Variants in DOP1A observed in about 807,000 individuals in gnomAD.
DOP1A encodes protein DOP1A.
A neutral mutation model predicts 267.6 loss-of-function variants in DOP1A; 90 were observed. The ratio of observed to expected loss-of-function variants is 0.34; its 90% CI spans 0.28 to 0.40. The LOEUF (loss-of-function observed/expected upper bound fraction) is 0.40, where lower values mean the gene tolerates loss of function less well. DOP1A is among the 10% of genes least tolerant of loss of function. DOP1A has a pLI of 1.00. For missense variants in DOP1A, 2,437 were observed against 2,900.4 expected, an observed-to-expected ratio of 0.84 and a Z score of 3.67; for synonymous variants, 932 against 999.1, an observed-to-expected ratio of 0.93 and a Z score of 1.27.
chr6:83,153,481 T>G lies in DOP1A; in HGVS notation c.6130-30T>G, dbSNP rs769788772. 3.4e-6 allele frequency: 5 copies of G among 1,473,906 alleles called. No homozygotes were observed. In the Admixed American group the frequency reaches 9.4e-5, roughly 28 times the overall value. 91.3% of individuals were successfully genotyped at this position (1,473,906 alleles called of 1,614,324 possible). On this transcript the variant is annotated intron_variant, in intron 30 of 38. Coordinates refer to ENST00000349129, the MANE Select transcript of DOP1A (RefSeq NM_015018.4). ...GGGATGATGTCAGTTTCACCTCATA[T>G]GTTACTCTTCATTTTTTATGTTTTC...
intron 7 of DOP1A, among the ~76,000 whole-genome samples, chr6:83,116,567 T>G (rs888756886): frequency 1.4e-4 from 21 of 152,244 alleles, no homozygotes; most frequent in African/African-American, 4.3e-4. Context: ...TCCAGCACTT[T>G]GGGAGGCCTA....
At chr6:83,110,362 T>A (rs757071859) in intron 6 of DOP1A, 48 bp downstream of exon 6, 8 of 1,564,890 alleles carry the variant, frequency 5.1e-6, no homozygotes, top group Non-Finnish European at 7.0e-6. Context: ...TTCTTTAGAG[T>A]CAGGCACTAT....
At chr6:83,136,017 C>A in intron 20 of DOP1A, 139 bp downstream of exon 20, 1 of 1,012,988 alleles carries the variant, frequency 9.9e-7, no homozygotes, top group Non-Finnish European at 1.4e-6. Context: ...CATGCACTAG[C>A]AATGCTGTGT....
intron 38 of DOP1A, chr6:83,167,076 C>T (rs1291794142): frequency 1.0e-6 from 1 of 984,134 alleles, no homozygotes; most frequent in African/African-American, 1.7e-5. Flanking sequence ...CCTCTTAATA[C>T]CCAAATTATT....
chr6:83,169,987 G>C, downstream of DOP1A: 2 of 398,450 alleles, frequency 5.0e-6, no homozygotes, highest in Non-Finnish European at 9.4e-6. Context: ...ATTTTTAAAA[G>C]AAGAGAAAAG....
intron 33 of DOP1A, among the ~76,000 whole-genome samples, chr6:83,154,896 T>C (rs1782459494): frequency 6.6e-6 from 1 of 152,190 alleles, no homozygotes; most frequent in Non-Finnish European, 1.5e-5. Context: ...AAAGCTACAG[T>C]TTTCTCATTT....
At position 83,157,410 on chromosome 6, in the gene DOP1A, G is replaced by A; in HGVS notation, c.6741+92G>A. ...CTTACTAGATATTAACGAATATTGG[G>A]AGAGAACTGAGCTGTAGTTAAACCA... is the stretch of plus-strand genomic sequence containing the variant. On this transcript the variant is annotated intron_variant, in intron 35 of 38. Transcript: ENST00000349129. The A allele has an allele frequency of 4.5e-6, 6 of 1,338,762 alleles. No individual in the cohort carries two copies. The South Asian group carries it at 4.9e-5, about 11-fold the overall frequency. 82.9% of individuals were successfully genotyped at this position (1,338,762 alleles called of 1,614,324 possible).
chr6:83,153,532 A>G lies in DOP1A; in HGVS notation c.6151A>G (p.Met2051Val). Residue 2051 changes from methionine (M) to valine (V), a missense_variant, in exon 31 of 39, where the codon ATG becomes GTG. Met to Val is a conservative substitution (Grantham distance 21). Around this residue, in one of 9 missense-constraint regions of DOP1A, gnomAD observed 216 missense variants for 283.3 expected, o/e 0.76. Coordinates refer to ENST00000349129, the MANE Select transcript of DOP1A (RefSeq NM_015018.4). ...LSEVLAHLLD[M>V]VFYSDEKERV... ...ATAGGTTTTGGCTCATCTTTTGGAT[A>G]TGGTTTTCTATAGTGATGAAAAGGA... 1 of 1,602,774 alleles carries G rather than the reference A, an allele frequency of 6.2e-7. No homozygotes were observed. Among genetic ancestry groups the G allele is most frequent in the Non-Finnish European group, 8.5e-7 (1 of 1,175,650 alleles).
At chr6:83,169,245 G>T (rs1272314172), downstream of DOP1A, 1 of 1,613,948 alleles carries the variant, frequency 6.2e-7, no homozygotes, top group Non-Finnish European at 8.5e-7. Context: ...CAGAAACCTG[G>T]TTGGGGCCTT....
chr6:83,105,076 ATG>A (rs1230609128), intron 4 of DOP1A, among the ~76,000 whole-genome samples: 2 of 152,052 alleles, frequency 1.3e-5, no homozygotes, highest in Non-Finnish European at 2.9e-5. Flanking sequence ...GTATGTATGT[ATG>A]TGTTAAGACA....
chr6:83,101,859 C>T (rs9444035), intron 4 of DOP1A, among the ~76,000 whole-genome samples: 117,709 of 152,142 alleles, frequency 0.77, 45,612 homozygotes, highest in Middle Eastern at 0.83. Context: ...TACATAGTTA[C>T]CTATTTTTTG....
Position 83,155,943 on chromosome 6 carries a change from T to C in DOP1A, c.6452-8T>C. On this transcript the variant is annotated splice_polypyrimidine_tract_variant and splice_region_variant and intron_variant, in intron 33 of 38. Coordinates refer to ENST00000349129, the MANE Select transcript of DOP1A (RefSeq NM_015018.4). ...CAGTGTCACAGTCTCTTTCACTTGCTTTTTCAGCTCGTGTAGCAGTGGCTC... is the reference window on the plus strand; with the variant it reads ...CAGTGTCACAGTCTCTTTCACTTGCCTTTTCAGCTCGTGTAGCAGTGGCTC... The C allele has an allele frequency of 1.2e-6, 2 of 1,602,722 alleles. No homozygotes were observed. Among genetic ancestry groups the C allele is most frequent in the South Asian group, 2.3e-5 (2 of 87,816 alleles).
chr6:83,128,859 CTTTTG>C (rs1562331866), intron 15 of DOP1A, 23 bp from the exon 16 acceptor site: 1 of 1,511,590 alleles, frequency 6.6e-7, no homozygotes, highest in Admixed American at 2.3e-5. Flanking sequence ...GCTACTCAGC[CTTTTG>C]TTTTCTTAAA....
chr6:83,156,947 T>G (rs1782935787), intron 34 of DOP1A, among the ~76,000 whole-genome samples: 2 of 152,230 alleles, frequency 1.3e-5, no homozygotes, highest in African/African-American at 2.4e-5. Context: ...TTTTAAACTT[T>G]TATTTGCTAT....
chr6:83,077,484 GA>G (rs961278170), intron 1 of DOP1A, among the ~76,000 whole-genome samples: 1 of 151,950 alleles, frequency 6.6e-6, no homozygotes, highest in Non-Finnish European at 1.5e-5. Flanking sequence ...ACCTGGGCAA[GA>G]AAGTAAGACC....
At chr6:83,130,797 G>A (rs1357513883) in intron 17 of DOP1A, among the ~76,000 whole-genome samples, 1 of 151,830 alleles carries the variant, frequency 6.6e-6, no homozygotes, top group Non-Finnish European at 1.5e-5. Context: ...GGAGTGCAGT[G>A]GCATGATCTC....
At chr6:83,128,291 T>C (rs557526101) in intron 15 of DOP1A, among the ~76,000 whole-genome samples, 1 of 152,350 alleles carries the variant, frequency 6.6e-6, no homozygotes, top group South Asian at 2.1e-4. Context: ...ACTCCAGTTC[T>C]ACTCCAGGAA....
At chr6:83,142,908 T>A (rs577981054) in intron 24 of DOP1A, among the ~76,000 whole-genome samples, 3 of 152,324 alleles carry the variant, frequency 2.0e-5, no homozygotes, top group South Asian at 4.1e-4. Context: ...ATAGTAAGGC[T>A]ATTATATAAC....
chr6:83,146,863 C>T (rs146693960), intron 25 of DOP1A, among the ~76,000 whole-genome samples: 1 of 152,264 alleles, frequency 6.6e-6, no homozygotes, highest in African/African-American at 2.4e-5. Flanking sequence ...GACTCAAATA[C>T]ACATTTCATT....
Sources: allele counts gnomAD v4.1 joint callset (sites outside exome capture counted in the v4.1 genomes callset), GRCh38; gene constraint gnomAD v4.1.1; regional missense constraint gnomAD v4.1.1; transcripts MANE v1.5; gene names NCBI Gene and HGNC (gene_info 2026-07-23, HGNC 2026-07-21).